The following TRDN variants were observed in gnomAD, a reference collection of about 807,000 sequenced individuals.
TRDN encodes the protein triadin, also known as triadin in skeletal muscle.
TRDN carries 161 observed loss-of-function variants against 149.7 expected under a neutral mutation model. The observed-to-expected ratio is 1.08, with a 90% CI of 0.95 to 1.23. The LOEUF is 1.23. Among genes scored for constraint, TRDN ranks in the 50% most tolerant of loss-of-function variants. The pLI is 0.00. For missense variants in TRDN, 896 were observed against 823.5 expected (o/e 1.09, Z -1.08); for synonymous variants, 294 against 250.5 (o/e 1.17, Z -1.64).
At chr6:123,303,378 G>T (rs1234693778) in intron 24 of TRDN, among the ~76,000 whole-genome samples, 1 of 152,040 alleles carries the variant, frequency 6.6e-6, no homozygotes, top group Non-Finnish European at 1.5e-5. Context: ...TTCTGCCTTA[G>T]ATATTAAAGA....
intron 12 of TRDN, chr6:123,437,530 C>G (rs1251379672): frequency 2.9e-5 from 6 of 207,516 alleles, no homozygotes; most frequent in Admixed American, 1.1e-4. Flanking sequence ...CTTGGCCACT[C>G]TAGTAGCTGG....
intron 20 of TRDN, among the ~76,000 whole-genome samples, chr6:123,356,925 A>C (rs1029260456): frequency 6.6e-6 from 1 of 151,450 alleles, no homozygotes; most frequent in African/African-American, 2.4e-5. Flanking sequence ...TTTATTGATA[A>C]TAATATTTTG....
intron 2 of TRDN, among the ~76,000 whole-genome samples, chr6:123,552,164 T>C (rs1410650808): frequency 6.6e-6 from 1 of 152,140 alleles, no homozygotes; most frequent in Non-Finnish European, 1.5e-5. Context: ...ATCCAAGGTT[T>C]CTTCCAGAAA....
At chr6:123,526,783 CATCTT>C (rs1458844678) in intron 5 of TRDN, among the ~76,000 whole-genome samples, 1 of 151,852 alleles carries the variant, frequency 6.6e-6, no homozygotes, top group African/African-American at 2.4e-5. Flanking sequence ...TGGGATGACA[CATCTT>C]ATATTTGTTC....
At chr6:123,265,688 G>A (rs934290118) in intron 32 of TRDN, among the ~76,000 whole-genome samples, 27 of 100,234 alleles carry the variant, frequency 2.7e-4, no homozygotes, top group Non-Finnish European at 1.8e-4. Flanking sequence ...AGTCCTTTTG[G>A]AATACATATT....
intron 10 of TRDN, 116 bp downstream of exon 10, chr6:123,464,790 G>C (rs906405302): frequency 6.7e-7 from 1 of 1,490,426 alleles, no homozygotes; most frequent in Non-Finnish European, 8.9e-7. Context: ...CATACTAAAA[G>C]TATTTAAGAA....
chr6:123,549,071 C>T (rs1366138516), intron 2 of TRDN, among the ~76,000 whole-genome samples: 4 of 151,802 alleles, frequency 2.6e-5, no homozygotes, highest in Non-Finnish European at 4.4e-5. Context: ...ACTGATAGGC[C>T]CATTTATTCT....
chr6:123,515,205 A>G (rs1779360515), intron 6 of TRDN, among the ~76,000 whole-genome samples: 1 of 152,064 alleles, frequency 6.6e-6, no homozygotes, highest in Non-Finnish European at 1.5e-5. Flanking sequence ...TAATAATCTT[A>G]AGGAAACTCA....
At chr6:123,478,120 T>A (rs902845469) in intron 9 of TRDN, among the ~76,000 whole-genome samples, 6 of 152,202 alleles carry the variant, frequency 3.9e-5, no homozygotes, top group East Asian at 1.9e-4. Flanking sequence ...TTAAATTTTT[T>A]ACCTCCATTT....
chr6:123,448,594 G>T (rs1775550205), intron 10 of TRDN, among the ~76,000 whole-genome samples: 1 of 151,994 alleles, frequency 6.6e-6, no homozygotes, highest in Admixed American at 6.6e-5. Flanking sequence ...CACCCAAGGA[G>T]AGTCTGAGCC....
chr6:123,477,576 C>G (rs948995286), intron 9 of TRDN, among the ~76,000 whole-genome samples: 1 of 150,254 alleles, frequency 6.7e-6, no homozygotes, highest in South Asian at 2.1e-4. Flanking sequence ...ACCCAAAGGA[C>G]TATAAATCAT....
chr6:123,353,683 G>A (rs897705586), intron 20 of TRDN, among the ~76,000 whole-genome samples: 1 of 151,344 alleles, frequency 6.6e-6, no homozygotes, highest in Non-Finnish European at 1.5e-5. Context: ...AAAAAAGGAG[G>A]TGAATTTCAC....
chr6:123,528,125 G>A (rs1335493597), intron 5 of TRDN, among the ~76,000 whole-genome samples: 1 of 151,916 alleles, frequency 6.6e-6, no homozygotes, highest in Non-Finnish European at 1.5e-5. Flanking sequence ...ATTATTTAAT[G>A]TGGTTGCCTA....
chr6:123,503,401 C>G (rs954368518), intron 8 of TRDN: 2 of 985,212 alleles, frequency 2.0e-6, no homozygotes, highest in African/African-American at 3.5e-5. Context: ...ATCTTTATTC[C>G]ACCTCTTAAT....
intron 5 of TRDN, among the ~76,000 whole-genome samples, chr6:123,517,390 T>C (rs1779465458): frequency 6.6e-6 from 1 of 152,262 alleles, no homozygotes; most frequent in Non-Finnish European, 1.5e-5. Context: ...TTTTGAACCT[T>C]TAGATTTTAT....
chr6:123,310,882 G>C (rs1176710345), intron 24 of TRDN, among the ~76,000 whole-genome samples: 1 of 151,960 alleles, frequency 6.6e-6, no homozygotes, highest in African/African-American at 2.4e-5. Context: ...AGAATTTAAA[G>C]CAGGAAGGGA....
intron 32 of TRDN, among the ~76,000 whole-genome samples, chr6:123,267,292 T>C (rs1218919110): frequency 6.6e-6 from 1 of 151,958 alleles, no homozygotes; most frequent in Non-Finnish European, 1.5e-5. Flanking sequence ...AAGCTAACTT[T>C]TAGAATGGGG....
intron 24 of TRDN, among the ~76,000 whole-genome samples, chr6:123,303,131 A>T (rs1353620170): frequency 1.3e-5 from 2 of 152,142 alleles, no homozygotes; most frequent in African/African-American, 4.8e-5. Context: ...ATCACTTAGA[A>T]GTTAAATGAT....
intron 32 of TRDN, among the ~76,000 whole-genome samples, chr6:123,266,351 T>TATATATATTATGATATGTATTATATATA (rs1289375371): frequency 1.9e-5 from 2 of 105,754 alleles, no homozygotes; most frequent in African/African-American, 1.0e-4. Flanking sequence ...TTATATATAA[T>TATATATATTATGATATGTATTATATATA]ATATATATTA....
Sources: gnomAD v4.1 joint callset for allele counts (sites outside exome capture counted in the v4.1 genomes callset) on GRCh38, gnomAD v4.1.1 for gene constraint, MANE v1.5 for transcripts, NCBI Gene and HGNC (gene_info 2026-07-23, HGNC 2026-07-21) for gene names.